The following FAM135B variants were observed in gnomAD, a reference collection of about 807,000 sequenced individuals.
The protein encoded by FAM135B is family with sequence similarity 135 member B, also known as protein FAM135B.
In FAM135B, 43 loss-of-function variants were observed where a neutral mutation model predicts 127.7. That is an observed-to-expected ratio of 0.34 (90% confidence interval 0.26 to 0.43). The LOEUF (loss-of-function observed/expected upper bound fraction) is 0.43, where lower values mean the gene tolerates loss of function less well. Among genes scored for constraint, FAM135B ranks in the 20% least tolerant of loss-of-function variants. The pLI is 1.00. For synonymous variants in FAM135B, 670 were observed against 665.1 expected (o/e 1.01, Z -0.11); for missense variants, 1,558 against 1,725.6 (o/e 0.90, Z 1.72).
At chr8:138,394,167 C>G (rs1832739108) in intron 1 of FAM135B, among the ~76,000 whole-genome samples, 1 of 152,130 alleles carries the variant, frequency 6.6e-6, no homozygotes. Context: ...GGGGACATAC[C>G]CTCATATCAA....
At chr8:138,200,402 T>C (rs997571872) in intron 7 of FAM135B, among the ~76,000 whole-genome samples, 7 of 152,186 alleles carry the variant, frequency 4.6e-5, no homozygotes, top group Non-Finnish European at 8.8e-5. Flanking sequence ...GGAGGGCTTG[T>C]ATGCAGCACG....
At chr8:138,466,304 C>T (rs1837377567) in intron 1 of FAM135B, among the ~76,000 whole-genome samples, 1 of 152,116 alleles carries the variant, frequency 6.6e-6, no homozygotes, top group South Asian at 2.1e-4. Context: ...TGCACTGTGA[C>T]CCAGTTAAAG....
chr8:138,132,860 C>G lies in FAM135B; in HGVS notation c.4016-62G>C, dbSNP rs2130492695. 2.1e-6 allele frequency: 3 copies of G among 1,443,640 alleles called. No individual in the cohort carries two copies. Among genetic ancestry groups the G allele is most frequent in the Non-Finnish European group, 2.9e-6 (3 of 1,026,646 alleles). 89.4% of individuals were successfully genotyped at this position (1,443,640 alleles called of 1,614,324 possible). Reference sequence around the variant, plus strand: ...GAAATTAGCAGTGGAATCTAGAGAACATCACTAGATGTGTGTCGAAATTCT... The same window carrying G: ...GAAATTAGCAGTGGAATCTAGAGAAGATCACTAGATGTGTGTCGAAATTCT... On this transcript the variant is annotated intron_variant, in intron 19 of 19. Transcript: ENST00000395297. The surrounding 1 kb of genome is among the most constrained non-coding windows in gnomAD (Gnocchi z 4.5).
chr8:138,181,141 T>C (rs1814992725), intron 9 of FAM135B, among the ~76,000 whole-genome samples: 1 of 151,914 alleles, frequency 6.6e-6, no homozygotes, highest in African/African-American at 2.4e-5. Flanking sequence ...ATCGGGAGGC[T>C]GAGGCAGGAG....
At chr8:138,170,189 C>A (rs992563661) in intron 11 of FAM135B, among the ~76,000 whole-genome samples, 1 of 149,724 alleles carries the variant, frequency 6.7e-6, no homozygotes. Flanking sequence ...TTGTGTCATG[C>A]AAGTTGTAAC....
At chr8:138,251,919 G>C (rs1586889360) in intron 5 of FAM135B, among the ~76,000 whole-genome samples, 1 of 152,292 alleles carries the variant, frequency 6.6e-6, no homozygotes, top group South Asian at 2.1e-4. Flanking sequence ...CATAGATAAG[G>C]AAATGAAGCA....
chr8:138,348,525 T>G (rs1439774698), intron 2 of FAM135B, among the ~76,000 whole-genome samples: 1 of 152,210 alleles, frequency 6.6e-6, no homozygotes, highest in Non-Finnish European at 1.5e-5. Flanking sequence ...CTTTAAGACC[T>G]GTGACTCAAT....
chr8:138,479,067 A>G (rs559309075), intron 1 of FAM135B, among the ~76,000 whole-genome samples: 2 of 152,302 alleles, frequency 1.3e-5, no homozygotes, highest in Admixed American at 6.5e-5. Context: ...ATCTACTTAC[A>G]TGTATCACTT....
Position 138,393,784 on chromosome 8 carries a change from A to G in FAM135B, c.-19-25782T>C, listed in dbSNP as rs141492643. Among the ~76,000 whole-genome samples, 47 of 152,262 alleles carry G rather than the reference A, an allele frequency of 3.1e-4. 2 individuals are homozygous for G. The East Asian group carries it at 7.7e-3, about 25-fold the overall frequency. ...TCTCCTAGATGCTGAGGTCCTGGGC[A>G]GTGTGTGCCACATAAAGCCTGTTGA... On this transcript the variant is annotated intron_variant, in intron 1 of 19. Transcript: ENST00000395297.
chr8:138,272,870 A>C (rs1290607735), intron 3 of FAM135B, among the ~76,000 whole-genome samples: 2 of 152,206 alleles, frequency 1.3e-5, no homozygotes, highest in Non-Finnish European at 2.9e-5. Flanking sequence ...ATTTGAGTTA[A>C]AAGACATGGG....
rs558212440 is a variant in FAM135B, at chr8:138,160,420, G to A, written c.1259-7204C>T. Among the ~76,000 whole-genome samples, 32 of 151,852 alleles carry A rather than the reference G, an allele frequency of 2.1e-4. 1 individual carries two copies. The South Asian group carries it at 5.2e-3, about 25-fold the overall frequency. On this transcript the variant is annotated intron_variant, in intron 12 of 19. Transcript: ENST00000395297. The stretch of plus-strand genomic sequence containing the variant: ...ATTTTTTCTTTTGAGATGGAGTCTC[G>A]TTCTGTGGCACAGGCTGGAGTGCAG...
chr8:138,492,819 C>T (rs1057325435), intron 1 of FAM135B, among the ~76,000 whole-genome samples: 13 of 152,130 alleles, frequency 8.5e-5, no homozygotes, highest in African/African-American at 2.9e-4. Flanking sequence ...GGAAATATGT[C>T]GGAGGCTCCT....
intron 1 of FAM135B, among the ~76,000 whole-genome samples, chr8:138,393,608 T>C (rs559648128): frequency 6.6e-6 from 1 of 152,202 alleles, no homozygotes; most frequent in Admixed American, 6.5e-5. Context: ...CCTGAAACAG[T>C]TATAGAGATG....
At chr8:138,250,351 C>G (rs538167929) in intron 6 of FAM135B, among the ~76,000 whole-genome samples, 1 of 152,264 alleles carries the variant, frequency 6.6e-6, no homozygotes, top group African/African-American at 2.4e-5. Context: ...AAGACTCCAT[C>G]TCATATAAGT....
chr8:138,185,878 C>T (rs1815518121), intron 9 of FAM135B, among the ~76,000 whole-genome samples: 1 of 152,186 alleles, frequency 6.6e-6, no homozygotes, highest in Admixed American at 6.5e-5. Flanking sequence ...GAGTACACCC[C>T]ACTTCCTAAT....
Position 138,487,898 on chromosome 8 carries a change from G to A in FAM135B, c.-20+8773C>T, listed in dbSNP as rs1016954003. ...GGGCACCTGGAATCCCAGCTACTGG[G>A]GAGGCCGAGGCAGGAGAATCGCTTG... is the stretch of plus-strand genomic sequence containing the variant. On this transcript the variant is annotated intron_variant, in intron 1 of 19. Transcript: ENST00000395297. Among the ~76,000 whole-genome samples, 7 of 152,138 alleles carry A rather than the reference G, an allele frequency of 4.6e-5. No individual in the cohort carries two copies. In the South Asian group the frequency reaches 6.2e-4, roughly 14 times the overall value.
intron 2 of FAM135B, among the ~76,000 whole-genome samples, chr8:138,340,830 G>T (rs972903548): frequency 2.6e-5 from 4 of 152,116 alleles, no homozygotes; most frequent in African/African-American, 9.7e-5. Context: ...CTGGTTCAAG[G>T]TTCACTTTCT....
chr8:138,199,581 A>G (rs1202434265), intron 7 of FAM135B, among the ~76,000 whole-genome samples: 1 of 152,158 alleles, frequency 6.6e-6, no homozygotes, highest in African/African-American at 2.4e-5. Flanking sequence ...CCTATGTATT[A>G]GTTCGTTTTC....
intron 1 of FAM135B, among the ~76,000 whole-genome samples, chr8:138,468,577 C>A (rs13249380): frequency 0.47 from 71,652 of 151,970 alleles, 17,992 homozygotes; most frequent in East Asian, 0.84. Flanking sequence ...ATTAAATACC[C>A]GGCACCTCAT....
Sources: gnomAD v4.1 joint callset for allele counts (sites outside exome capture counted in the v4.1 genomes callset) on GRCh38, gnomAD v4.1.1 for gene constraint, Gnocchi (gnomAD v3.1) non-coding constraint, MANE v1.5 for transcripts, NCBI Gene and HGNC (gene_info 2026-07-23, HGNC 2026-07-21) for gene names.